Variants in FHIT observed in about 807,000 individuals in gnomAD.
FHIT encodes bis(5'-adenosyl)-triphosphatase.
In FHIT, 19 loss-of-function variants were observed where a neutral mutation model predicts 17.9. That is an observed-to-expected ratio of 1.06 (90% confidence interval 0.74 to 1.56). The LOEUF (loss-of-function observed/expected upper bound fraction) is 1.56. Among genes scored for constraint, FHIT ranks in the 40% most tolerant of loss-of-function variants. The probability of loss-of-function intolerance (pLI) is 0.00; values close to 1 mark genes in which losing one functional copy is unlikely to be tolerated. For synonymous variants in FHIT, 81 were observed against 69.7 expected, an observed-to-expected ratio of 1.16 and a Z score of -0.81; for missense variants, 248 against 189.2, an observed-to-expected ratio of 1.31 and a Z score of -1.82.
At chr3:60,742,858 G>A (rs1392340671) in intron 4 of FHIT, among the ~76,000 whole-genome samples, 1 of 152,242 alleles carries the variant, frequency 6.6e-6, no homozygotes, top group Non-Finnish European at 1.5e-5. Flanking sequence ...GTCCCCTGCA[G>A]AGTAGTTCCT....
At chr3:60,812,135 C>T (rs1553736226) in intron 4 of FHIT, among the ~76,000 whole-genome samples, 2 of 151,564 alleles carry the variant, frequency 1.3e-5, no homozygotes, top group Non-Finnish European at 2.9e-5. Context: ...CCATAAATTC[C>T]AAATTCTTAA....
At chr3:61,189,857 G>A (rs1431201013) in intron 2 of FHIT, among the ~76,000 whole-genome samples, 2 of 152,150 alleles carry the variant, frequency 1.3e-5, no homozygotes, top group Non-Finnish European at 2.9e-5. Context: ...TTAATAAATG[G>A]TGCTGGGAAA....
intron 5 of FHIT, among the ~76,000 whole-genome samples, chr3:60,405,892 T>C (rs1701838032): frequency 6.6e-6 from 1 of 152,032 alleles, no homozygotes; most frequent in African/African-American, 2.4e-5. Flanking sequence ...AAATGACCAA[T>C]CTCCTTTCTA....
Position 59,920,351 on chromosome 3 carries a change from A to T in FHIT, c.348+1995T>A, listed in dbSNP as rs577228102. ...CATATGACTTATACCACTGATTTTT[A>T]AAAAAAGAAAAACTCTCACAGTAAT... On this transcript the variant is annotated intron_variant, in intron 8 of 9. Coordinates refer to ENST00000492590, the MANE Select transcript of FHIT (RefSeq NM_002012.4). Among the ~76,000 whole-genome samples the T allele has an allele frequency of 2.5e-4, 38 of 152,280 alleles. No individual in the cohort carries two copies. In the East Asian group the frequency reaches 3.1e-3, roughly 12 times the overall value.
At chr3:60,058,460 C>A (rs754868584) in intron 5 of FHIT, among the ~76,000 whole-genome samples, 1 of 152,140 alleles carries the variant, frequency 6.6e-6, no homozygotes, top group Non-Finnish European at 1.5e-5. Context: ...ATGACAGAAA[C>A]TTCTGGAGTT....
chr3:60,660,758 G>A (rs1261470549), intron 4 of FHIT, among the ~76,000 whole-genome samples: 9 of 12,144 alleles, frequency 7.4e-4, no homozygotes, highest in African/African-American at 1.5e-3. Flanking sequence ...TTTGCCATCT[G>A]CCATTCTCTT....
intron 8 of FHIT, among the ~76,000 whole-genome samples, chr3:59,921,550 A>G (rs1223347193): frequency 6.6e-6 from 1 of 152,252 alleles, no homozygotes; most frequent in African/African-American, 2.4e-5. Flanking sequence ...ACAGCCTCAA[A>G]GTCCATTTAA....
chr3:59,756,905 T>C (rs1263780958), intron 8 of FHIT, among the ~76,000 whole-genome samples: 1 of 152,216 alleles, frequency 6.6e-6, no homozygotes, highest in Non-Finnish European at 1.5e-5. Flanking sequence ...TTTAACATCT[T>C]TGAAATCAAA....
chr3:59,782,430 T>A (rs1261052867), intron 8 of FHIT, among the ~76,000 whole-genome samples: 1 of 152,204 alleles, frequency 6.6e-6, no homozygotes, highest in East Asian at 1.9e-4. Flanking sequence ...TCTACATCCA[T>A]TAAATAAAGA....
intron 5 of FHIT, among the ~76,000 whole-genome samples, chr3:60,498,421 G>T (rs1334969478): frequency 6.6e-6 from 1 of 152,104 alleles, no homozygotes; most frequent in Non-Finnish European, 1.5e-5. Flanking sequence ...TTTAAATTAT[G>T]CTATTAATGA....
intron 8 of FHIT, among the ~76,000 whole-genome samples, chr3:59,855,315 C>T (rs879273673): frequency 1.4e-4 from 21 of 152,134 alleles, no homozygotes; most frequent in African/African-American, 3.4e-4. Flanking sequence ...TGTTGTCCTC[C>T]CCCATTTATC....
At chr3:60,127,183 C>A (rs545985546) in intron 5 of FHIT, among the ~76,000 whole-genome samples, 3 of 152,234 alleles carry the variant, frequency 2.0e-5, no homozygotes, top group African/African-American at 7.2e-5. Flanking sequence ...GAACTCAGCC[C>A]ACGCAATGTT....
At chr3:60,746,581 GA>G (rs1414786815) in intron 4 of FHIT, among the ~76,000 whole-genome samples, 2 of 152,184 alleles carry the variant, frequency 1.3e-5, no homozygotes, top group Non-Finnish European at 2.9e-5. Flanking sequence ...TGTGGAAATG[GA>G]AAAAGGAAGA....
intron 4 of FHIT, among the ~76,000 whole-genome samples, chr3:60,816,902 G>A (rs1447921): frequency 0.51 from 77,961 of 151,782 alleles, 20,897 homozygotes; most frequent in East Asian, 0.85. Context: ...TACTGATATG[G>A]TTGCATTTAG....
rs146169228 is a variant in FHIT, at chr3:61,054,061, C to T, written c.-163-11962G>A. Among the ~76,000 whole-genome samples the T allele has an allele frequency of 6.7e-3, 1,021 of 152,326 alleles. 7 individuals are homozygous for T. Among genetic ancestry groups the T allele is most frequent in the Non-Finnish European group, 0.011 (771 of 68,034 alleles). On this transcript the variant is annotated intron_variant, in intron 2 of 9. Coordinates refer to ENST00000492590, the MANE Select transcript of FHIT (RefSeq NM_002012.4). The stretch of plus-strand genomic sequence containing the variant: ...CAGGCTCTCACAGCCCAGCTAGTCC[C>T]TGATGTCACAGCCTGTGTGAATAAA...
At chr3:60,772,408 A>C (rs1380352588) in intron 4 of FHIT, among the ~76,000 whole-genome samples, 1 of 149,972 alleles carries the variant, frequency 6.7e-6, no homozygotes, top group African/African-American at 2.5e-5. Flanking sequence ...CACTAACCAG[A>C]ATACGAATAC....
chr3:60,569,746 TATATATA>T (rs1482175574), intron 4 of FHIT, among the ~76,000 whole-genome samples: 68 of 81,630 alleles, frequency 8.3e-4, no homozygotes, highest in Non-Finnish European at 1.1e-3. Context: ...TATATATATA[TATATATA>T]TATTTTTTTT....
At chr3:60,422,884 T>C (rs1702527605) in intron 5 of FHIT, among the ~76,000 whole-genome samples, 1 of 152,144 alleles carries the variant, frequency 6.6e-6, no homozygotes, top group South Asian at 2.1e-4. Flanking sequence ...TCTCCAACTC[T>C]GGTAGACCCA....
intron 3 of FHIT, among the ~76,000 whole-genome samples, chr3:60,963,038 G>A (rs974706618): frequency 1.3e-4 from 20 of 152,144 alleles, no homozygotes; most frequent in African/African-American, 3.1e-4. Flanking sequence ...GGTAGAATTC[G>A]GCTGTGAATC....
Sources: gnomAD v4.1 joint callset for allele counts (sites outside exome capture counted in the v4.1 genomes callset) on GRCh38, gnomAD v4.1.1 for gene constraint, MANE v1.5 for transcripts, NCBI Gene and HGNC (gene_info 2026-07-23, HGNC 2026-07-21) for gene names.